Variants in SORCS2 observed in about 807,000 individuals in gnomAD.
The protein encoded by SORCS2 is VPS10 domain-containing receptor SorCS2.
In SORCS2, 100 loss-of-function variants were observed where a neutral mutation model predicts 141.6. The ratio of observed to expected loss-of-function variants is 0.71; its 90% CI spans 0.60 to 0.83. SORCS2 has a LOEUF of 0.83. Ranked by LOEUF, SORCS2 falls within the 40% of genes least tolerant of loss-of-function variation. The pLI is 0.00. For missense variants in SORCS2, 1,646 were observed against 1,560.2 expected (o/e 1.05, Z -0.93); for synonymous variants, 789 against 676.9 (o/e 1.17, Z -2.57).
chr4:7,367,223 A>T lies in SORCS2; in HGVS notation c.481-29065A>T, dbSNP rs145929366. On this transcript the variant is annotated intron_variant, in intron 1 of 26. Coordinates refer to ENST00000507866, the MANE Select transcript of SORCS2 (RefSeq NM_020777.3). ...TTGGCAATGACTTGGCCATCCTTGG[A>T]ACACCGTTCAGGTGAGGTCACACTA... Among the ~76,000 whole-genome samples the T allele has an allele frequency of 8.2e-4, 125 of 152,344 alleles. 2 individuals carry two copies. The highest frequency in any genetic ancestry group is 2.8e-3 in the African/African-American group (116 of 41,586).
chr4:7,608,012 T>C (rs1439542008), intron 3 of SORCS2, among the ~76,000 whole-genome samples: 1 of 152,042 alleles, frequency 6.6e-6, no homozygotes, highest in Admixed American at 6.6e-5. Context: ...AAATACCGTG[T>C]TTAGGACATG....
intron 3 of SORCS2, among the ~76,000 whole-genome samples, chr4:7,561,066 C>T (rs16840496): frequency 0.061 from 9,263 of 152,144 alleles, 477 homozygotes; most frequent in African/African-American, 0.13. Context: ...CTGTGTCTTT[C>T]GATGTCACCT....
At chr4:7,701,322 C>G (rs1725069044) in intron 12 of SORCS2, among the ~76,000 whole-genome samples, 1 of 152,008 alleles carries the variant, frequency 6.6e-6, no homozygotes, top group Admixed American at 6.5e-5. Context: ...AGCTGCTCAC[C>G]CTCCATCATT....
At chr4:7,659,413 C>G (rs1560462986) in intron 5 of SORCS2, among the ~76,000 whole-genome samples, 2 of 152,208 alleles carry the variant, frequency 1.3e-5, no homozygotes, top group South Asian at 4.1e-4. Context: ...GAAGCCGTGA[C>G]CCTAGGACAT....
intron 2 of SORCS2, among the ~76,000 whole-genome samples, chr4:7,412,184 G>A (rs1435038731): frequency 1.3e-5 from 2 of 152,192 alleles, no homozygotes; most frequent in Non-Finnish European, 2.9e-5. Flanking sequence ...GCCCATCGGG[G>A]CTCACCCTGG....
chr4:7,439,137 C>T, intron 2 of SORCS2, among the ~76,000 whole-genome samples: 1 of 152,094 alleles, frequency 6.6e-6, no homozygotes, highest in East Asian at 1.9e-4. Flanking sequence ...AAAACCTTAC[C>T]TCTTCCTGAC....
chr4:7,347,581 G>A (rs1179564753), intron 1 of SORCS2, among the ~76,000 whole-genome samples: 1 of 152,164 alleles, frequency 6.6e-6, no homozygotes, highest in African/African-American at 2.4e-5. Flanking sequence ...TTACGTGGTA[G>A]AGCTGAAAAA....
Position 7,740,234 on chromosome 4 carries a change from C to T in SORCS2, c.3450C>T (p.Ser1150=). Residue 1150 remains serine, a synonymous_variant, in exon 27 of 27, where the codon TCC becomes TCT. Transcript: ENST00000507866. ...NHSGVVLSIN[S]REMHSYLVS ...CAGGCGTGGTCCTGAGCATCAACTC[C>T]CGAGAGATGCACAGCTACCTGGTGA... 2 of 1,609,972 alleles carry T rather than the reference C, an allele frequency of 1.2e-6. No individual in the cohort carries two copies. The highest frequency in any genetic ancestry group is 8.5e-7 in the Non-Finnish European group (1 of 1,179,522).
At chr4:7,305,584 GC>G (rs933124148) in intron 1 of SORCS2, among the ~76,000 whole-genome samples, 4 of 152,004 alleles carry the variant, frequency 2.6e-5, no homozygotes, top group Admixed American at 6.6e-5. Flanking sequence ...TGGCTCTAAG[GC>G]CCCCCCAGCA....
intron 22 of SORCS2, 71 bp from the exon 23 acceptor site, chr4:7,729,516 C>A (rs1198897684): frequency 1.3e-6 from 2 of 1,521,012 alleles, no homozygotes; most frequent in Admixed American, 2.0e-5. Context: ...AGAGGGTGTT[C>A]CTGGGGGCCC....
At chr4:7,697,706 C>A (rs896182955) in intron 12 of SORCS2, among the ~76,000 whole-genome samples, 1 of 150,916 alleles carries the variant, frequency 6.6e-6, no homozygotes, top group Non-Finnish European at 1.5e-5. Flanking sequence ...GAGGGGGCTA[C>A]GGGGGACTCC....
At chr4:7,194,151 C>G (rs1299931401) in intron 1 of SORCS2, among the ~76,000 whole-genome samples, 8 of 151,964 alleles carry the variant, frequency 5.3e-5, no homozygotes, top group African/African-American at 1.9e-4. Flanking sequence ...GAGGAGGGTA[C>G]ATTTGTATGG....
chr4:7,287,752 T>C (rs1289968632), intron 1 of SORCS2, among the ~76,000 whole-genome samples: 2 of 152,238 alleles, frequency 1.3e-5, no homozygotes, highest in African/African-American at 4.8e-5. Flanking sequence ...GGTGTATTGA[T>C]CCCGTGCTGT....
intron 2 of SORCS2, among the ~76,000 whole-genome samples, chr4:7,512,735 C>G (rs1453805088): frequency 6.6e-6 from 1 of 152,032 alleles, no homozygotes; most frequent in Non-Finnish European, 1.5e-5. Context: ...CAGCCGCCTC[C>G]TCACTATGGG....
intron 1 of SORCS2, among the ~76,000 whole-genome samples, chr4:7,202,637 T>C (rs1263229106): frequency 6.6e-6 from 1 of 152,208 alleles, no homozygotes; most frequent in African/African-American, 2.4e-5. Context: ...CTCAGATAAA[T>C]GAAGTTCAAA....
intron 8 of SORCS2, among the ~76,000 whole-genome samples, chr4:7,674,001 C>T (rs1365462706): frequency 8.5e-5 from 13 of 152,300 alleles, no homozygotes; most frequent in South Asian, 6.2e-4. Context: ...TGGCCCATGG[C>T]GCTGAGCAGG....
Position 7,642,863 on chromosome 4 carries a change from G to T in SORCS2, c.813+4371G>T, listed in dbSNP as rs1387156184. Among the ~76,000 whole-genome samples the T allele has an allele frequency of 3.3e-5, 5 of 152,162 alleles. No homozygotes were observed. In the East Asian group the frequency reaches 7.7e-4, roughly 23 times the overall value. ...TCATGATGAGGGGGCAGAGGCTCCA[G>T]GGGTTGCAAACCACACAAGCAGCTT... On this transcript the variant is annotated intron_variant, in intron 4 of 26. Transcript: ENST00000507866.
chr4:7,718,151 G>A lies in SORCS2; in HGVS notation c.2392G>A (p.Glu798Lys), dbSNP rs1446067357. ...QGEAVAVRPG[E>K]DVLFVVRQEQ... ...CGAGGCGGTGGCCGTGCGGCCTGGA[G>A]AGGACGTCCTGTTTGTGGTGCGGCA... The change falls in exon 18 of 27, where the codon GAG becomes AAG. Residue 798 changes from glutamate to lysine, a missense_variant. Coordinates refer to ENST00000507866, the MANE Select transcript of SORCS2 (RefSeq NM_020777.3). 6.2e-7 allele frequency: 1 copy of A among 1,611,658 alleles called. No homozygotes were observed. The highest frequency in any genetic ancestry group is 8.5e-7 in the Non-Finnish European group (1 of 1,179,382).
chr4:7,287,537 C>T (rs1716311351), intron 1 of SORCS2, among the ~76,000 whole-genome samples: 2 of 152,250 alleles, frequency 1.3e-5, no homozygotes, highest in African/African-American at 4.8e-5. Flanking sequence ...TTCATGGCCA[C>T]TTGCATTTGG....
Sources: allele counts gnomAD v4.1 joint callset (sites outside exome capture counted in the v4.1 genomes callset), GRCh38; gene constraint gnomAD v4.1.1; transcripts MANE v1.5; gene names NCBI Gene and HGNC (gene_info 2026-07-23, HGNC 2026-07-21).